Variants in VAV3 observed in about 807,000 individuals in gnomAD.
VAV3 encodes the protein guanine nucleotide exchange factor VAV3.
A neutral mutation model predicts 131.2 loss-of-function variants in VAV3; 94 were observed. The observed-to-expected ratio is 0.72, with a 90% CI of 0.61 to 0.85. The LOEUF (loss-of-function observed/expected upper bound fraction) is 0.85, where lower values mean the gene tolerates loss of function less well. Ranked by LOEUF, VAV3 falls within the 40% of genes least tolerant of loss-of-function variation. The pLI, the probability that VAV3 is intolerant of heterozygous loss-of-function variation, is 0.00. For missense variants in VAV3, 939 were observed against 1,002.7 expected (o/e 0.94, Z 0.86); for synonymous variants, 349 against 342.0 (o/e 1.02, Z -0.22).
intron 15 of VAV3, among the ~76,000 whole-genome samples, chr1:107,748,069 A>G (rs960508291): frequency 1.3e-5 from 2 of 152,170 alleles, no homozygotes; most frequent in East Asian, 3.8e-4. Flanking sequence ...TTATTTTCCT[A>G]ATTTCAGAAC....
rs183854829 is a variant in VAV3, at chr1:107,699,024, T to G, written c.1705+5526A>C. Among the ~76,000 whole-genome samples, 96 of 152,238 alleles carry G rather than the reference T, an allele frequency of 6.3e-4. 1 individual carries two copies. The highest frequency in any genetic ancestry group is 6.1e-3 in the Admixed American group (94 of 15,300). ...CGGACACAGAGCCAAACCATATCAT[T>G]CTGCTCCTGGCCCCTCCCAAAACTC... On this transcript the variant is annotated intron_variant, in intron 17 of 26. Transcript: ENST00000370056.
At chr1:107,789,355 G>A (rs932178175) in intron 2 of VAV3, among the ~76,000 whole-genome samples, 8 of 152,184 alleles carry the variant, frequency 5.3e-5, no homozygotes, top group South Asian at 2.1e-4. Flanking sequence ...AGGCCAGAAC[G>A]ATAGGATCTC....
intron 15 of VAV3, among the ~76,000 whole-genome samples, chr1:107,712,371 G>A (rs1660839385): frequency 6.6e-6 from 1 of 152,126 alleles, no homozygotes; most frequent in South Asian, 2.1e-4. Flanking sequence ...AAGCTCATCA[G>A]CTATCGTTAT....
intron 1 of VAV3, among the ~76,000 whole-genome samples, chr1:107,914,658 C>T (rs924112852): frequency 2.0e-5 from 3 of 152,304 alleles, no homozygotes; most frequent in African/African-American, 7.2e-5. Context: ...TTGGAAAACA[C>T]TGAGGTTTTC....
intron 21 of VAV3, among the ~76,000 whole-genome samples, chr1:107,612,735 A>C (rs1652849942): frequency 6.6e-6 from 1 of 152,068 alleles, no homozygotes; most frequent in African/African-American, 2.4e-5. Context: ...GCTTTCCTTA[A>C]AGTTTATACA....
At chr1:107,678,759 C>T (rs1658394666) in intron 19 of VAV3, among the ~76,000 whole-genome samples, 1 of 151,856 alleles carries the variant, frequency 6.6e-6, no homozygotes, top group African/African-American at 2.4e-5. Flanking sequence ...TATATGTAAC[C>T]CAGCTTAAAA....
At chr1:107,964,021 C>T (rs1412062685) in intron 1 of VAV3, among the ~76,000 whole-genome samples, 1 of 152,204 alleles carries the variant, frequency 6.6e-6, no homozygotes, top group African/African-American at 2.4e-5. Context: ...CATTTCCTGT[C>T]GCTGCTGAGA....
At chr1:107,615,757 A>G (rs2101200466) in intron 21 of VAV3, among the ~76,000 whole-genome samples, 1 of 152,294 alleles carries the variant, frequency 6.6e-6, no homozygotes, top group South Asian at 2.1e-4. Flanking sequence ...AACAAGCCAA[A>G]AAACAACTCC....
chr1:107,685,516 A>C (rs898877496), intron 18 of VAV3, among the ~76,000 whole-genome samples: 2 of 152,188 alleles, frequency 1.3e-5, no homozygotes, highest in African/African-American at 4.8e-5. Context: ...TTGGTGCCTT[A>C]CTACTTATAC....
At chr1:107,716,298 T>G (rs989400819) in intron 15 of VAV3, among the ~76,000 whole-genome samples, 1 of 152,204 alleles carries the variant, frequency 6.6e-6, no homozygotes, top group African/African-American at 2.4e-5. Context: ...ATAAACATTA[T>G]TGTGACCAAA....
intron 2 of VAV3, 51 bp from the exon 3 acceptor site, chr1:107,779,543 ATTTC>A: frequency 6.9e-7 from 1 of 1,455,052 alleles, no homozygotes; most frequent in Non-Finnish European, 9.1e-7. Context: ...AAAATATAAG[ATTTC>A]TTTTTCCAAA....
rs373685650 is a variant in VAV3 at position 107,645,834 on chromosome 1, C to G, written c.1778-3079G>C. ...AATTTAATATAGGTTTTCTTCTCCC[C>G]TTAGAAAATATGCCTCTGATAGGTT... On this transcript the variant is annotated intron_variant, in intron 19 of 26. Coordinates refer to ENST00000370056, the MANE Select transcript of VAV3 (RefSeq NM_006113.5). Among the ~76,000 whole-genome samples the G allele has an allele frequency of 4.6e-5, 7 of 152,126 alleles. No individual in the cohort carries two copies. The East Asian group carries it at 9.7e-4, about 21-fold the overall frequency.
At chr1:107,634,598 C>T (rs1447408121) in intron 20 of VAV3, among the ~76,000 whole-genome samples, 1 of 149,722 alleles carries the variant, frequency 6.7e-6, no homozygotes, top group East Asian at 2.0e-4. Context: ...AAAGCAATGG[C>T]AATGAAAGCC....
intron 1 of VAV3, among the ~76,000 whole-genome samples, chr1:107,932,246 G>A (rs72985403): frequency 0.026 from 3,928 of 152,326 alleles, 122 homozygotes; most frequent in African/African-American, 0.076. Flanking sequence ...TCAAGAGCGG[G>A]CATTAAGACA....
At chr1:107,712,806 C>A (rs932856334) in intron 15 of VAV3, among the ~76,000 whole-genome samples, 2 of 152,156 alleles carry the variant, frequency 1.3e-5, no homozygotes, top group African/African-American at 4.8e-5. Flanking sequence ...AATAATTCCA[C>A]AAACAATCAT....
chr1:107,597,651 C>G (rs766682697), intron 24 of VAV3, among the ~76,000 whole-genome samples: 2 of 152,152 alleles, frequency 1.3e-5, no homozygotes, highest in African/African-American at 2.4e-5. Context: ...TTAGGTAGAG[C>G]AGGCAGGCTG....
At chr1:107,630,899 G>T (rs1409024973) in intron 20 of VAV3, among the ~76,000 whole-genome samples, 1 of 152,084 alleles carries the variant, frequency 6.6e-6, no homozygotes, top group Non-Finnish European at 1.5e-5. Flanking sequence ...TCCAGATTAC[G>T]CCATTGAGTA....
intron 15 of VAV3, among the ~76,000 whole-genome samples, chr1:107,728,606 T>TATATGTATACGTATACGTATAC (rs1557798901): frequency 4.9e-4 from 39 of 79,264 alleles, no homozygotes; most frequent in African/African-American, 1.4e-3. Flanking sequence ...TATACGTATA[T>TATATGTATACGTATACGTATAC]GTATATGTAT....
At chr1:107,791,807 A>G (rs566262197) in intron 2 of VAV3, among the ~76,000 whole-genome samples, 2 of 152,330 alleles carry the variant, frequency 1.3e-5, no homozygotes, top group East Asian at 3.9e-4. Flanking sequence ...TTGAGTGCTT[A>G]TGATTATCAG....
Sources: gnomAD v4.1 joint callset for allele counts (sites outside exome capture counted in the v4.1 genomes callset) on GRCh38, gnomAD v4.1.1 for gene constraint, MANE v1.5 for transcripts, NCBI Gene and HGNC (gene_info 2026-07-23, HGNC 2026-07-21) for gene names.